Variants in EXOC6B observed in about 807,000 individuals in gnomAD.
EXOC6B encodes the protein exocyst complex component 6B.
A neutral mutation model predicts 113.5 loss-of-function variants in EXOC6B; 54 were observed. The observed-to-expected ratio is 0.48, with a 90% CI of 0.38 to 0.60. The LOEUF (loss-of-function observed/expected upper bound fraction) is 0.60. Ranked by LOEUF, EXOC6B falls within the 20% of genes least tolerant of loss-of-function variation. EXOC6B has a pLI of 0.00. For synonymous variants in EXOC6B, 357 were observed against 339.0 expected (o/e 1.05, Z -0.58); for missense variants, 797 against 977.5 (o/e 0.82, Z 2.46).
rs70963135 is a variant in EXOC6B at position 72,657,225 on chromosome 2, C to CTTTTTTT, written c.669+60871_669+60877dup. 3.3e-5 allele frequency among the ~76,000 whole-genome samples: 4 copies of CTTTTTTT among 120,068 alleles called. 1 individual carries two copies. The allele number at this position is 120,068 out of a possible 152,430, so 78.8% of individuals were successfully genotyped here. On this transcript the variant is annotated intron_variant, in intron 6 of 21. Transcript: ENST00000272427. ...TACTTAACCATATTACCACAACTGT[C>CTTTTTTT]TTTTTTTTTTTTTTTTTTGAGATGG...
chr2:72,334,829 G>C, intron 20 of EXOC6B, 118 bp downstream of exon 20: 1 of 789,960 alleles, frequency 1.3e-6, no homozygotes, highest in South Asian at 1.5e-5. Context: ...AAAACCCTTA[G>C]GTCTCCAATG....
intron 6 of EXOC6B, among the ~76,000 whole-genome samples, chr2:72,623,378 T>C (rs963241957): frequency 6.6e-6 from 1 of 152,170 alleles, no homozygotes; most frequent in African/African-American, 2.4e-5. Context: ...CTTTAAGTAT[T>C]TGCTCAACAT....
At chr2:72,621,058 T>C (rs2104184150) in intron 6 of EXOC6B, among the ~76,000 whole-genome samples, 1 of 152,338 alleles carries the variant, frequency 6.6e-6, no homozygotes, top group East Asian at 1.9e-4. Flanking sequence ...TTGGTGGATA[T>C]GTAAATTAGT....
chr2:72,751,766 G>A (rs1351388372), intron 1 of EXOC6B, among the ~76,000 whole-genome samples: 3 of 152,076 alleles, frequency 2.0e-5, no homozygotes, highest in Admixed American at 6.6e-5. Flanking sequence ...AGAATACAAT[G>A]GGTTTAATGG....
chr2:72,635,556 G>A (rs1672758428), intron 6 of EXOC6B, among the ~76,000 whole-genome samples: 1 of 152,050 alleles, frequency 6.6e-6, no homozygotes, highest in Non-Finnish European at 1.5e-5. Context: ...GAAGGAAATT[G>A]GATTTACTGA....
At chr2:72,814,628 A>G (rs1405444752) in intron 1 of EXOC6B, among the ~76,000 whole-genome samples, 3 of 152,258 alleles carry the variant, frequency 2.0e-5, no homozygotes, top group East Asian at 1.9e-4. Flanking sequence ...TGCAATTTAT[A>G]TTACATGCTT....
intron 18 of EXOC6B, among the ~76,000 whole-genome samples, chr2:72,404,751 A>G (rs1693607025): frequency 6.6e-6 from 1 of 152,200 alleles, no homozygotes; most frequent in South Asian, 2.1e-4. Context: ...AACCACAAAG[A>G]TGCGGAAAAA....
chr2:72,353,785 A>G (rs1173727785), intron 19 of EXOC6B, among the ~76,000 whole-genome samples: 1 of 152,184 alleles, frequency 6.6e-6, no homozygotes, highest in African/African-American at 2.4e-5. Flanking sequence ...TAACTGTGAC[A>G]AAACATGTTT....
At chr2:72,508,391 A>C (rs569934097) in intron 11 of EXOC6B, among the ~76,000 whole-genome samples, 1 of 152,300 alleles carries the variant, frequency 6.6e-6, no homozygotes, top group East Asian at 1.9e-4. Flanking sequence ...GTTGTAACAA[A>C]GTGATTCTCA....
At chr2:72,659,196 T>C (rs537802191) in intron 6 of EXOC6B, among the ~76,000 whole-genome samples, 1 of 152,076 alleles carries the variant, frequency 6.6e-6, no homozygotes, top group African/African-American at 2.4e-5. Context: ...CAAAACAGCC[T>C]AAAATGAGAT....
intron 6 of EXOC6B, among the ~76,000 whole-genome samples, chr2:72,653,612 A>G (rs6724529): frequency 0.63 from 92,370 of 146,192 alleles, 34,892 homozygotes; most frequent in East Asian, 0.99. Context: ...CCCCCCAAAA[A>G]GAAAGAAAGA....
chr2:72,270,058 T>A (rs1473789147), intron 20 of EXOC6B, among the ~76,000 whole-genome samples: 3 of 152,056 alleles, frequency 2.0e-5, no homozygotes, highest in African/African-American at 7.2e-5. Flanking sequence ...ACCCCTCATA[T>A]CTTCCCATCA....
At chr2:72,779,295 C>CAT (rs1266277885) in intron 1 of EXOC6B, among the ~76,000 whole-genome samples, 5 of 151,232 alleles carry the variant, frequency 3.3e-5, no homozygotes, top group Admixed American at 2.0e-4. Context: ...GTATTATAAG[C>CAT]ATATATATAT....
chr2:72,189,840 C>CTCTCTT (rs1297552028), intron 20 of EXOC6B, among the ~76,000 whole-genome samples: 1 of 130,360 alleles, frequency 7.7e-6, no homozygotes, highest in Non-Finnish European at 1.6e-5. Flanking sequence ...GTCTCTCTCT[C>CTCTCTT]TCTCTTTCTC....
At chr2:72,339,634 GCA>G (rs1405972268) in intron 19 of EXOC6B, among the ~76,000 whole-genome samples, 4 of 152,132 alleles carry the variant, frequency 2.6e-5, no homozygotes, top group Non-Finnish European at 5.9e-5. Flanking sequence ...CCCTGTCCAA[GCA>G]CGCATGGTAG....
chr2:72,757,264 G>A lies in EXOC6B; in HGVS notation c.114-15795C>T, dbSNP rs528195122. 9.2e-5 allele frequency among the ~76,000 whole-genome samples: 14 copies of A among 152,122 alleles called. 1 individual carries two copies. Among genetic ancestry groups the A allele is most frequent in the South Asian group, 6.2e-4 (3 of 4,818 alleles). ...TAAATGCTTAAAACAATAATGTGGC[G>A]GTTAACAATAACAAAATGGAGTCAC... On this transcript the variant is annotated intron_variant, in intron 1 of 21. Coordinates refer to ENST00000272427, the MANE Select transcript of EXOC6B (RefSeq NM_015189.3).
At chr2:72,491,554 A>C (rs1304845328) in intron 16 of EXOC6B, among the ~76,000 whole-genome samples, 1 of 152,072 alleles carries the variant, frequency 6.6e-6, no homozygotes, top group Non-Finnish European at 1.5e-5. Context: ...AACTCCTCTC[A>C]CTTTAGGCAC....
intron 18 of EXOC6B, among the ~76,000 whole-genome samples, chr2:72,445,593 A>T (rs984307974): frequency 6.6e-6 from 1 of 152,220 alleles, no homozygotes; most frequent in African/African-American, 2.4e-5. Flanking sequence ...AGGAAGAACA[A>T]GTCATATGTG....
intron 1 of EXOC6B, among the ~76,000 whole-genome samples, chr2:72,772,089 A>C (rs954592893): frequency 5.3e-4 from 80 of 152,158 alleles, no homozygotes; most frequent in Non-Finnish European, 7.4e-5. Context: ...ATATACATTA[A>C]AGGGGGTATG....
Sources: allele counts gnomAD v4.1 joint callset (sites outside exome capture counted in the v4.1 genomes callset), GRCh38; gene constraint gnomAD v4.1.1; transcripts MANE v1.5; gene names NCBI Gene and HGNC (gene_info 2026-07-23, HGNC 2026-07-21).